DLG2: variants seen among roughly 807,000 people sequenced by gnomAD.
DLG2 encodes disks large homolog 2.
Under a neutral mutation model 132.5 loss-of-function variants are expected in DLG2, and 45 were observed. The ratio of observed to expected loss-of-function variants is 0.34; its 90% CI spans 0.27 to 0.44. The LOEUF (loss-of-function observed/expected upper bound fraction) is 0.44. Among genes scored for constraint, DLG2 ranks in the 20% least tolerant of loss-of-function variants. DLG2 has a pLI of 1.00. For synonymous variants in DLG2, 424 were observed against 419.6 expected (o/e 1.01, Z -0.13); for missense variants, 1,045 against 1,196.9 (o/e 0.87, Z 1.87).
chr11:83,912,683 G>C (rs1291930096), intron 15 of DLG2, among the ~76,000 whole-genome samples: 3 of 152,016 alleles, frequency 2.0e-5, no homozygotes, highest in African/African-American at 7.2e-5. Flanking sequence ...TCTCAGGAAG[G>C]ATTCCTCCCA....
intron 9 of DLG2, among the ~76,000 whole-genome samples, chr11:84,148,825 A>T (rs1433536176): frequency 6.6e-6 from 1 of 152,134 alleles, no homozygotes; most frequent in African/African-American, 2.4e-5. Flanking sequence ...AGTAATTTAC[A>T]TTCCCATCCA....
intron 3 of DLG2, among the ~76,000 whole-genome samples, chr11:85,393,530 C>T (rs2086991837): frequency 1.3e-5 from 2 of 151,868 alleles, no homozygotes; most frequent in Admixed American, 6.6e-5. Context: ...ACGTGTATAG[C>T]AGCACAATTT....
rs995489298 is a variant in DLG2, at chr11:83,980,601, T to C, written c.961A>G (p.Ile321Val). ...ACATAAATGCTGTTGTCTCCAGGAA[T>C]GTGTTGGTTCCCCACACCTCCTGCA... ...SIAGGVGNQH[I>V]PGDNSIYVTK... The change falls in exon 12 of 28, where the codon ATT becomes GTT. Residue 321 changes from isoleucine (I) to valine (V), a missense_variant. Physicochemically the swap from Ile to Val is conservative, Grantham distance 29 (BLOSUM62 3). Transcript: ENST00000376104. The C allele has an allele frequency of 1.2e-6, 2 of 1,613,550 alleles. No homozygotes were observed. The highest frequency in any genetic ancestry group is 1.7e-6 in the Non-Finnish European group (2 of 1,179,726).
intron 6 of DLG2, among the ~76,000 whole-genome samples, chr11:84,775,400 T>A (rs900248706): frequency 2.0e-5 from 3 of 152,156 alleles, no homozygotes; most frequent in African/African-American, 7.2e-5. Flanking sequence ...GAACTACTAT[T>A]CAACCCAGCA....
chr11:85,247,562 G>A (rs575724599), intron 4 of DLG2, among the ~76,000 whole-genome samples: 1 of 151,732 alleles, frequency 6.6e-6, no homozygotes, highest in East Asian at 1.9e-4. Context: ...ATTAGTAATT[G>A]AATAAAAAAA....
chr11:85,366,950 A>T (rs779503153), intron 3 of DLG2, among the ~76,000 whole-genome samples: 1 of 152,020 alleles, frequency 6.6e-6, no homozygotes, highest in Admixed American at 6.5e-5. Context: ...TATCACTGTG[A>T]TTTTGTTTTT....
chr11:85,026,826 G>A (rs1195989954), intron 6 of DLG2, among the ~76,000 whole-genome samples: 4 of 151,854 alleles, frequency 2.6e-5, no homozygotes, highest in Non-Finnish European at 4.4e-5. Flanking sequence ...GAGAGAGCAA[G>A]ACTCTGTCTC....
intron 17 of DLG2, chr11:83,791,262 G>GGT (rs2041487924): frequency 1.5e-6 from 1 of 668,712 alleles, no homozygotes; most frequent in Non-Finnish European, 2.7e-6. Context: ...AGGAGGAGAA[G>GGT]GTGTCCTCAT....
intron 10 of DLG2, among the ~76,000 whole-genome samples, chr11:84,060,537 CTTTTT>C (rs149848087): frequency 2.6e-4 from 39 of 147,652 alleles, no homozygotes; most frequent in Middle Eastern, 3.5e-3. Flanking sequence ...AAACTTTCCT[CTTTTT>C]TTTTTTTTTT....
intron 7 of DLG2, among the ~76,000 whole-genome samples, chr11:84,518,074 C>CCTATTATACAGCATATTA (rs201027115): frequency 2.1e-5 from 3 of 141,606 alleles, no homozygotes; most frequent in African/African-American, 5.3e-5. Flanking sequence ...TTTCAAGAGA[C>CCTATTATACAGCATATTA]ATCATCACTC....
At chr11:85,355,795 G>A (rs563433334) in intron 3 of DLG2, among the ~76,000 whole-genome samples, 1 of 152,250 alleles carries the variant, frequency 6.6e-6, no homozygotes, top group African/African-American at 2.4e-5. Context: ...CCTTGTTAAT[G>A]TGGCCCTGTT....
At position 83,874,293 on chromosome 11, in the gene DLG2, G is replaced by GGAGA. The variant is rs2064174391; in HGVS notation, c.1565+126_1565+127insTCTC. 7.8e-5 allele frequency: 13 copies of GGAGA among 166,748 alleles called. No individual in the cohort carries two copies. The Middle Eastern group carries it at 2.2e-3, about 28-fold the overall frequency. The allele number at this position is 166,748 out of a possible 1,614,324, so 10.3% of individuals were successfully genotyped here. A position where few individuals can be genotyped will look rare whatever the true frequency, so the allele number is the denominator to read the frequency against. ...GAAGGAAGGGGAGAAGGAAGGAAGG[G>GGAGA]AGGAAGGAAGGAAAGAAGGAAGGGA... On this transcript the variant is annotated intron_variant, in intron 16 of 27. Transcript: ENST00000376104.
At chr11:84,994,169 T>C (rs80177118) in intron 6 of DLG2, among the ~76,000 whole-genome samples, 4,873 of 152,310 alleles carry the variant, frequency 0.032, 108 homozygotes, top group African/African-American at 0.047. Flanking sequence ...CCAAACAATA[T>C]GTAGTCCAGG....
chr11:83,860,823 T>G (rs2061335610), intron 16 of DLG2, among the ~76,000 whole-genome samples: 1 of 152,144 alleles, frequency 6.6e-6, no homozygotes, highest in Non-Finnish European at 1.5e-5. Context: ...GGGAGATAAT[T>G]GAATCATGTG....
At chr11:84,023,494 A>T (rs1440573616) in intron 11 of DLG2, among the ~76,000 whole-genome samples, 2 of 152,114 alleles carry the variant, frequency 1.3e-5, no homozygotes, top group Admixed American at 1.3e-4. Context: ...TTGAACCTAG[A>T]TTTACTTGGC....
chr11:83,914,573 C>T (rs11233808), intron 15 of DLG2, among the ~76,000 whole-genome samples: 10,278 of 152,162 alleles, frequency 0.068, 501 homozygotes, highest in African/African-American at 0.13. Flanking sequence ...TGTATAAACT[C>T]ATTAACCCTC....
chr11:85,473,121 G>C (rs770790077), intron 3 of DLG2, among the ~76,000 whole-genome samples: 1 of 152,240 alleles, frequency 6.6e-6, no homozygotes, highest in African/African-American at 2.4e-5. Context: ...CACAGAGCTG[G>C]CACCTGAAGC....
chr11:84,923,453 G>A (rs2092856049), intron 6 of DLG2: 1 of 970,002 alleles, frequency 1.0e-6, no homozygotes, highest in Non-Finnish European at 1.2e-6. Context: ...GAAGGAGGGG[G>A]GAATGAGCTC....
At chr11:84,680,373 T>A (rs2099725702) in intron 6 of DLG2, among the ~76,000 whole-genome samples, 1 of 152,250 alleles carries the variant, frequency 6.6e-6, no homozygotes, top group East Asian at 1.9e-4. Flanking sequence ...ATAAGGGCCA[T>A]CCCTCTTAAG....
Sources: gnomAD v4.1 joint callset for allele counts (sites outside exome capture counted in the v4.1 genomes callset) on GRCh38, gnomAD v4.1.1 for gene constraint, MANE v1.5 for transcripts, NCBI Gene and HGNC (gene_info 2026-07-23, HGNC 2026-07-21) for gene names.